GALNT9: variants seen among roughly 807,000 people sequenced by gnomAD.
GALNT9 encodes the protein polypeptide N-acetylgalactosaminyltransferase 9, also known as GalNAc transferase 9.
Under a neutral mutation model 63.1 loss-of-function variants are expected in GALNT9, and 47 were observed. The observed-to-expected ratio is 0.75, with a 90% CI of 0.59 to 0.95. The LOEUF is 0.95. Ranked by LOEUF, GALNT9 falls within the 40% of genes least tolerant of loss-of-function variation. The probability of loss-of-function intolerance (pLI) is 0.00; values close to 1 mark genes in which losing one functional copy is unlikely to be tolerated. For missense variants in GALNT9, 829 were observed against 874.8 expected, an observed-to-expected ratio of 0.95 and a Z score of 0.66; for synonymous variants, 396 against 365.7, an observed-to-expected ratio of 1.08 and a Z score of -0.94.
rs1878934653 is a variant in GALNT9, at chr12:132,252,001, C to T, written c.960-3974G>A. Reference sequence around the variant, plus strand: ...CTTCCTGCCGTTCTCCCACCTTGCTCACGTGATGGGGGTGCCGGATCTTAA... The same window carrying T: ...CTTCCTGCCGTTCTCCCACCTTGCTTACGTGATGGGGGTGCCGGATCTTAA... On this transcript the variant is annotated intron_variant, in intron 5 of 10. Coordinates refer to ENST00000328957, the MANE Select transcript of GALNT9 (RefSeq NM_001122636.2). The surrounding 1 kb of genome is among the most constrained non-coding windows in gnomAD (Gnocchi z 5.2). 1.3e-5 allele frequency among the ~76,000 whole-genome samples: 2 copies of T among 152,236 alleles called. No individual in the cohort carries two copies. The highest frequency in any genetic ancestry group is 1.3e-4 in the Admixed American group (2 of 15,282).
At position 132,316,124 on chromosome 12, in the gene GALNT9, G is replaced by A. The variant is rs1868498418; in HGVS notation, c.238+12842C>T. On this transcript the variant is annotated intron_variant, in intron 1 of 10. Transcript: ENST00000328957. This position sits in a 1 kb window ranked among gnomAD's most constrained non-coding sequence, Gnocchi z 4.3. Reference sequence around the variant, plus strand: ...CCTCTCTCACTGAAAGAAGAGGCAGGCAGAGGCAGGAGCTGGCCGCGGGCT... The same window carrying A: ...CCTCTCTCACTGAAAGAAGAGGCAGACAGAGGCAGGAGCTGGCCGCGGGCT... 6.6e-6 allele frequency among the ~76,000 whole-genome samples: 1 copy of A among 152,152 alleles called. No individual in the cohort carries two copies.
At chr12:132,318,490 G>A (rs1184228290) in intron 1 of GALNT9, among the ~76,000 whole-genome samples, 5 of 152,224 alleles carry the variant, frequency 3.3e-5, no homozygotes, top group Admixed American at 2.6e-4. Context: ...ACATGAATCC[G>A]CCATCCCATC....
intron 2 of GALNT9, among the ~76,000 whole-genome samples, chr12:132,281,792 TG>T (rs1370105217): frequency 3.3e-5 from 5 of 151,168 alleles, no homozygotes; most frequent in South Asian, 2.1e-4. Context: ...AGCCCAGGCC[TG>T]GGGGTCCCCG....
chr12:132,213,068 GC>G (rs1877021324), intron 6 of GALNT9, among the ~76,000 whole-genome samples: 2 of 109,756 alleles, frequency 1.8e-5, no homozygotes, highest in Admixed American at 1.9e-4. Context: ...CGGGTCTGCA[GC>G]CCTCAGACCT....
At chr12:132,203,048 C>T (rs141479297) in intron 7 of GALNT9, among the ~76,000 whole-genome samples, 244 of 152,218 alleles carry the variant, frequency 1.6e-3, no homozygotes, top group African/African-American at 5.5e-3. Flanking sequence ...GAAAAGGTGG[C>T]GCTGAGGACG....
intron 1 of GALNT9, among the ~76,000 whole-genome samples, chr12:132,322,778 G>A (rs548611166): frequency 2.6e-4 from 39 of 152,340 alleles, no homozygotes; most frequent in African/African-American, 8.4e-4. Flanking sequence ...AGCTGCTTCC[G>A]TGCTACGAGA....
Position 132,245,671 on chromosome 12 carries a change from C to G in GALNT9, c.1077+2239G>C, listed in dbSNP as rs1389093993. ...CACACCCCCAGCCCGGCCTGCTGACCCTCGCCCACCACACAGGTTCGCTGT... is the reference window on the plus strand; with the variant it reads ...CACACCCCCAGCCCGGCCTGCTGACGCTCGCCCACCACACAGGTTCGCTGT... On this transcript the variant is annotated intron_variant, in intron 6 of 10. Transcript: ENST00000328957. This position sits in a 1 kb window ranked among gnomAD's most constrained non-coding sequence, Gnocchi z 6.3. Among the ~76,000 whole-genome samples the G allele has an allele frequency of 1.3e-5, 2 of 152,230 alleles. No individual in the cohort carries two copies. The highest frequency in any genetic ancestry group is 2.9e-5 in the Non-Finnish European group (2 of 68,040).
chr12:132,206,572 G>T (rs1024845288), intron 6 of GALNT9, among the ~76,000 whole-genome samples: 2 of 152,052 alleles, frequency 1.3e-5, no homozygotes, highest in African/African-American at 4.8e-5. Flanking sequence ...TCTTGAACCC[G>T]GGAGGCAGAG....
At chr12:132,215,512 G>A (rs533253298) in intron 6 of GALNT9, among the ~76,000 whole-genome samples, 1 of 152,386 alleles carries the variant, frequency 6.6e-6, no homozygotes, top group East Asian at 1.9e-4. Context: ...CCTTTCCCAA[G>A]AGCGCTGCCA....
chr12:132,327,658 G>A lies in GALNT9; in HGVS notation c.238+1308C>T, dbSNP rs1869094531. 6.6e-6 allele frequency among the ~76,000 whole-genome samples: 1 copy of A among 152,266 alleles called. No homozygotes were observed. The highest frequency in any genetic ancestry group is 6.5e-5 in the Admixed American group (1 of 15,298). The stretch of plus-strand genomic sequence containing the variant: ...CTTTTCTCCCCTCGTGGCTCCAGCT[G>A]AATCAGAAAGATCAGAGAAGCCACA... On this transcript the variant is annotated intron_variant, in intron 1 of 10. Transcript: ENST00000328957. This position sits in a 1 kb window ranked among gnomAD's most constrained non-coding sequence, Gnocchi z 4.3.
At position 132,316,167 on chromosome 12, in the gene GALNT9, A is replaced by G. The variant is rs578258260; in HGVS notation, c.238+12799T>C. On this transcript the variant is annotated intron_variant, in intron 1 of 10. Transcript: ENST00000328957. The surrounding 1 kb of genome is among the most constrained non-coding windows in gnomAD (Gnocchi z 4.3). The stretch of plus-strand genomic sequence containing the variant: ...CGCGGGCTGGGAGGCGACCCCACAG[A>G]CCCCAGCGTCCCAGTCCAGGCTCGG... Among the ~76,000 whole-genome samples the G allele has an allele frequency of 6.6e-6, 1 of 151,878 alleles. No individual in the cohort carries two copies. The highest frequency in any genetic ancestry group is 1.9e-4 in the East Asian group (1 of 5,148).
chr12:132,230,118 G>T (rs1180753274), intron 6 of GALNT9, among the ~76,000 whole-genome samples: 1 of 152,048 alleles, frequency 6.6e-6, no homozygotes, highest in African/African-American at 2.4e-5. Flanking sequence ...TTCCAGCCTG[G>T]GCCACCAAAA....
At chr12:132,293,539 C>T (rs983438625) in intron 1 of GALNT9, among the ~76,000 whole-genome samples, 9 of 152,168 alleles carry the variant, frequency 5.9e-5, no homozygotes, top group Admixed American at 3.3e-4. Context: ...CCCTGGGTAC[C>T]GACAGCACCT....
intron 4 of GALNT9, among the ~76,000 whole-genome samples, chr12:132,258,772 T>C (rs782151029): frequency 2.0e-5 from 3 of 152,176 alleles, no homozygotes; most frequent in South Asian, 2.1e-4. Flanking sequence ...GCAGGGGTCC[T>C]GGGAAGCAGG....
At chr12:132,240,910 G>A (rs2136900121) in intron 6 of GALNT9, among the ~76,000 whole-genome samples, 58 of 136,666 alleles carry the variant, frequency 4.2e-4, no homozygotes, top group Non-Finnish European at 8.4e-4. Context: ...CCCTTCCCGG[G>A]GCCCTCCCTA....
intron 1 of GALNT9, among the ~76,000 whole-genome samples, chr12:132,303,654 T>G (rs377284904): frequency 9.2e-4 from 6 of 6,496 alleles, no homozygotes; most frequent in Admixed American, 3.8e-3. Context: ...CACCCTCGCC[T>G]GGGCACACCC....
At chr12:132,269,371 G>A (rs1821510770) in intron 2 of GALNT9, among the ~76,000 whole-genome samples, 1 of 152,260 alleles carries the variant, frequency 6.6e-6, no homozygotes, top group Non-Finnish European at 1.5e-5. Flanking sequence ...GCTTTTCCGA[G>A]GAGCGGGACC....
Position 132,199,160 on chromosome 12 carries a change from G to T in GALNT9, c.1497+14C>A. 1.3e-6 allele frequency: 2 copies of T among 1,557,804 alleles called. No individual in the cohort carries two copies. Among genetic ancestry groups the T allele is most frequent in the Non-Finnish European group, 1.8e-6 (2 of 1,139,956 alleles). Reference sequence around the variant, plus strand: ...CCCCTTGGGAGCTGCATGGGTGGCCGCTGCTACTCCTACCTGGGAGGACAT... The same window carrying T: ...CCCCTTGGGAGCTGCATGGGTGGCCTCTGCTACTCCTACCTGGGAGGACAT... On this transcript the variant is annotated intron_variant, in intron 9 of 10. Coordinates refer to ENST00000328957, the MANE Select transcript of GALNT9 (RefSeq NM_001122636.2).
In GALNT9 at chr12:132,329,218, C is replaced by A; in HGVS notation, c.-15G>T. 6.5e-7 allele frequency: 1 copy of A among 1,536,678 alleles called. No individual in the cohort carries two copies. The highest frequency in any genetic ancestry group is 8.8e-7 in the Non-Finnish European group (1 of 1,136,954). ...GCCACCGCCATGAACACGGCTGCAGCGGGGGCCTCACCCGCGGGGCATCCC... is the reference window on the plus strand; with the variant it reads ...GCCACCGCCATGAACACGGCTGCAGAGGGGGCCTCACCCGCGGGGCATCCC... On this transcript the variant is annotated 5_prime_UTR_variant, in exon 1 of 11. Transcript: ENST00000328957.
Sources: allele counts gnomAD v4.1 joint callset (sites outside exome capture counted in the v4.1 genomes callset), GRCh38; gene constraint gnomAD v4.1.1; non-coding constraint Gnocchi (gnomAD v3.1); transcripts MANE v1.5; gene names NCBI Gene and HGNC (gene_info 2026-07-23, HGNC 2026-07-21).